The following EML1 variants were observed in gnomAD, a reference collection of about 807,000 sequenced individuals.
The protein encoded by EML1 is echinoderm microtubule-associated protein-like 1.
Under a neutral mutation model 110.4 loss-of-function variants are expected in EML1, and 27 were observed. The ratio of observed to expected loss-of-function variants is 0.24; its 90% confidence interval spans 0.18 to 0.34. The LOEUF (loss-of-function observed/expected upper bound fraction) is 0.34. Among genes scored for constraint, EML1 ranks in the 10% least tolerant of loss-of-function variants. The probability of loss-of-function intolerance (pLI) is 1.00; values close to 1 mark genes in which losing one functional copy is unlikely to be tolerated. For missense variants in EML1, 741 were observed against 1,030.9 expected (o/e 0.72, Z 3.85); for synonymous variants, 344 against 385.8 (o/e 0.89, Z 1.27).
chr14:99,799,533 C>T (rs186059523), intron 1 of EML1, among the ~76,000 whole-genome samples: 41 of 152,308 alleles, frequency 2.7e-4, no homozygotes, highest in Admixed American at 2.5e-3. Context: ...CGGAGGAAAA[C>T]GCTTTCATGG....
intron 17 of EML1, among the ~76,000 whole-genome samples, chr14:99,923,625 G>T: frequency 7.3e-6 from 1 of 136,736 alleles, no homozygotes; most frequent in African/African-American, 2.5e-5. Flanking sequence ...TTTATTTCCG[G>T]ATACTCAGTT....
intron 1 of EML1, among the ~76,000 whole-genome samples, chr14:99,743,582 G>A (rs900299517): frequency 6.6e-6 from 1 of 152,176 alleles, no homozygotes; most frequent in African/African-American, 2.4e-5. Context: ...CCATCCACAG[G>A]CCAGCACGTG....
intron 1 of EML1, among the ~76,000 whole-genome samples, chr14:99,788,314 G>A (rs1473043989): frequency 1.3e-5 from 2 of 152,162 alleles, no homozygotes; most frequent in Non-Finnish European, 2.9e-5. Flanking sequence ...GAAATGCCTT[G>A]TATTATACAT....
chr14:99,891,120 C>G (rs376107120), intron 4 of EML1, 79 bp from the exon 5 acceptor site: 8 of 1,546,228 alleles, frequency 5.2e-6, no homozygotes, highest in Non-Finnish European at 5.3e-6. Context: ...CTACTGCAGC[C>G]GTGGCTTTGG....
intron 1 of EML1, among the ~76,000 whole-genome samples, chr14:99,753,187 G>GCC (rs2057197158): frequency 5.8e-5 from 4 of 69,062 alleles, no homozygotes; most frequent in Admixed American, 1.4e-4. Flanking sequence ...CCCCCTACCC[G>GCC]CACCCCCCGC....
chr14:99,798,479 G>A (rs995135535), intron 1 of EML1, among the ~76,000 whole-genome samples: 3 of 146,472 alleles, frequency 2.0e-5, no homozygotes, highest in African/African-American at 7.7e-5. Context: ...TAAAACCTCC[G>A]CCCCCTAGGT....
At chr14:99,932,526 C>G (rs1295922215) in intron 17 of EML1, among the ~76,000 whole-genome samples, 2 of 151,786 alleles carry the variant, frequency 1.3e-5, no homozygotes, top group Non-Finnish European at 2.9e-5. Flanking sequence ...GTAATCCCAG[C>G]TATCTGGAAG....
In EML1 at chr14:99,914,551, C is replaced by T. The variant is rs768095510; in HGVS notation, c.1621-15C>T. ...AGTATCTCAGAGCGCTTCTGTTTGT[C>T]TTGGTTATTTGTAGGGTCACACTGA... On this transcript the variant is annotated splice_polypyrimidine_tract_variant and intron_variant, in intron 14 of 21. Transcript: ENST00000262233. 1.0e-5 allele frequency: 16 copies of T among 1,581,158 alleles called. No individual in the cohort carries two copies. Among genetic ancestry groups the T allele is most frequent in the Admixed American group, 2.0e-5 (1 of 48,860 alleles).
At chr14:99,838,712 C>A (rs1437599156) in intron 1 of EML1, among the ~76,000 whole-genome samples, 6 of 152,144 alleles carry the variant, frequency 3.9e-5, no homozygotes, top group Non-Finnish European at 8.8e-5. Flanking sequence ...GCTACTGCGC[C>A]TCATAGCAAA....
intron 1 of EML1, among the ~76,000 whole-genome samples, chr14:99,825,975 A>G (rs1172196553): frequency 1.3e-5 from 2 of 152,174 alleles, no homozygotes; most frequent in Non-Finnish European, 2.9e-5. Flanking sequence ...CATGCTTACC[A>G]CTGCAAGAAA....
At chr14:99,752,101 A>G (rs984159456) in intron 1 of EML1, among the ~76,000 whole-genome samples, 1 of 152,102 alleles carries the variant, frequency 6.6e-6, no homozygotes, top group Non-Finnish European at 1.5e-5. Context: ...TAATCGCCCC[A>G]CCGCGCAGGG....
chr14:99,920,637 TTGAA>T lies in EML1; in HGVS notation c.1821-147_1821-144del, dbSNP rs2060114356. The stretch of plus-strand genomic sequence containing the variant: ...AATGCTTATATATAGGAAATTTTCT[TTGAA>T]TGAAAGCTGGGAACAAGCTTTCTTA... On this transcript the variant is annotated intron_variant, in intron 16 of 21. Coordinates refer to ENST00000262233, the MANE Select transcript of EML1 (RefSeq NM_004434.3). 5.2e-5 allele frequency: 32 copies of T among 613,584 alleles called. 1 individual carries two copies. The South Asian group carries it at 6.9e-4, about 13-fold the overall frequency. The allele number at this position is 613,584 out of a possible 1,614,324, so 38.0% of individuals were successfully genotyped here.
At chr14:99,906,547 G>T (rs529601865) in intron 9 of EML1, among the ~76,000 whole-genome samples, 1 of 152,252 alleles carries the variant, frequency 6.6e-6, no homozygotes, top group Non-Finnish European at 1.5e-5. Flanking sequence ...TCTTGGTTTT[G>T]GTGGGATTTA....
intron 17 of EML1, among the ~76,000 whole-genome samples, chr14:99,923,658 TCCC>T: frequency 3.9e-5 from 2 of 51,908 alleles, no homozygotes; most frequent in African/African-American, 1.0e-3. Flanking sequence ...CCTGTGTTTA[TCCC>T]CGATTACTGT....
At position 99,873,883 on chromosome 14, in the gene EML1, G is replaced by A. The variant is rs1031980655; in HGVS notation, c.384-4602G>A. ...TGGACCCTCCAGCACTCAGCATAGC[G>A]CACAGTGGATGGTTGATGCCTAGTA... On this transcript the variant is annotated intron_variant, in intron 3 of 21. Coordinates refer to ENST00000262233, the MANE Select transcript of EML1 (RefSeq NM_004434.3). Among the ~76,000 whole-genome samples the A allele has an allele frequency of 2.0e-5, 3 of 152,204 alleles. No homozygotes were observed. The East Asian group carries it at 5.8e-4, about 29-fold the overall frequency.
At chr14:99,922,723 G>A (rs2060152239) in intron 17 of EML1, among the ~76,000 whole-genome samples, 1 of 152,030 alleles carries the variant, frequency 6.6e-6, no homozygotes, top group African/African-American at 2.4e-5. Context: ...TTTAATTGGT[G>A]TTTCCCTAAT....
At chr14:99,910,212 T>C in intron 11 of EML1, 30 bp from the exon 12 acceptor site, 1 of 1,427,284 alleles carries the variant, frequency 7.0e-7, no homozygotes, top group Non-Finnish European at 9.6e-7. Flanking sequence ...GGATTAAATA[T>C]ATATATAATT....
chr14:99,822,276 T>C lies in EML1; in HGVS notation c.68-28577T>C, dbSNP rs144264408. Among the ~76,000 whole-genome samples, 10 of 152,328 alleles carry C rather than the reference T, an allele frequency of 6.6e-5. No individual in the cohort carries two copies. The East Asian group carries it at 1.7e-3, about 26-fold the overall frequency. ...TTTTGAATACCAAATGCAGGCACTA[T>C]ATATGAGAATACATGTGCATGTGGC... On this transcript the variant is annotated intron_variant, in intron 1 of 21. Coordinates refer to ENST00000262233, the MANE Select transcript of EML1 (RefSeq NM_004434.3).
intron 1 of EML1, among the ~76,000 whole-genome samples, chr14:99,738,017 G>C (rs535063313): frequency 5.7e-4 from 87 of 152,342 alleles, no homozygotes; most frequent in Middle Eastern, 3.4e-3. Context: ...CCGCTGGAAG[G>C]GGGGAGCTTG....
Sources: gnomAD v4.1 joint callset for allele counts (sites outside exome capture counted in the v4.1 genomes callset) on GRCh38, gnomAD v4.1.1 for gene constraint, MANE v1.5 for transcripts, NCBI Gene and HGNC (gene_info 2026-07-23, HGNC 2026-07-21) for gene names.